Variants in MAML3 observed in about 807,000 individuals in gnomAD.
The protein encoded by MAML3 is mastermind like transcriptional coactivator 3, also known as mastermind-like protein 3.
In MAML3, 27 loss-of-function variants were observed where a neutral mutation model predicts 101.9. The observed-to-expected ratio is 0.27, with a 90% confidence interval of 0.20 to 0.37. The LOEUF is 0.37. Ranked by LOEUF, MAML3 falls within the 10% of genes least tolerant of loss-of-function variation. The probability of loss-of-function intolerance (pLI) is 1.00; values close to 1 mark genes in which losing one functional copy is unlikely to be tolerated. For missense variants in MAML3, 1,316 were observed against 1,444.9 expected, an observed-to-expected ratio of 0.91 and a Z score of 1.45; for synonymous variants, 501 against 555.9, an observed-to-expected ratio of 0.90 and a Z score of 1.39.
chr4:139,921,220 C>T (rs1270270672), intron 1 of MAML3, among the ~76,000 whole-genome samples: 1 of 152,230 alleles, frequency 6.6e-6, no homozygotes, highest in Non-Finnish European at 1.5e-5. Context: ...GAACTCCCAA[C>T]TCACATCCAG....
chr4:139,956,906 C>T (rs572579859), intron 1 of MAML3, among the ~76,000 whole-genome samples: 93 of 152,318 alleles, frequency 6.1e-4, no homozygotes, highest in African/African-American at 2.2e-3. Flanking sequence ...CACCAATCCA[C>T]ACACACTGAT....
intron 1 of MAML3, among the ~76,000 whole-genome samples, chr4:140,127,439 A>C (rs1728701679): frequency 6.6e-6 from 1 of 152,196 alleles, no homozygotes; most frequent in South Asian, 2.1e-4. Context: ...GTGTGGAGGG[A>C]ATTTGGACTC....
intron 1 of MAML3, among the ~76,000 whole-genome samples, chr4:140,074,009 G>A (rs1727711265): frequency 6.6e-6 from 1 of 151,940 alleles, no homozygotes; most frequent in Admixed American, 6.6e-5. Flanking sequence ...GCGCTCACCT[G>A]TAGTCCCATC....
chr4:139,952,080 G>A (rs188163056), intron 1 of MAML3, among the ~76,000 whole-genome samples: 5 of 152,212 alleles, frequency 3.3e-5, no homozygotes, highest in East Asian at 3.9e-4. Flanking sequence ...CAGGAGAATC[G>A]CTTGAACCCA....
intron 2 of MAML3, among the ~76,000 whole-genome samples, chr4:139,870,118 C>T (rs1447783967): frequency 3.9e-5 from 6 of 152,206 alleles, no homozygotes; most frequent in Admixed American, 6.5e-5. Context: ...CATGAATGGT[C>T]ACTGTGAATA....
chr4:139,790,559 C>T (rs559527767), intron 2 of MAML3, among the ~76,000 whole-genome samples: 27 of 152,084 alleles, frequency 1.8e-4, no homozygotes, highest in Middle Eastern at 3.4e-3. Context: ...CACCTTTCCC[C>T]GCCTGCACCT....
At chr4:139,933,650 T>C (rs1384358632) in intron 1 of MAML3, among the ~76,000 whole-genome samples, 1 of 152,138 alleles carries the variant, frequency 6.6e-6, no homozygotes, top group Admixed American at 6.6e-5. Context: ...GCCAGCAACA[T>C]GGTGGAGTCT....
At chr4:139,909,740 G>GGCAGGAGAATC (rs1292341042) in intron 1 of MAML3, among the ~76,000 whole-genome samples, 1 of 150,752 alleles carries the variant, frequency 6.6e-6, no homozygotes, top group African/African-American at 2.4e-5. Flanking sequence ...AGGAGGCTGA[G>GGCAGGAGAATC]GCAGGAGAAT....
intron 2 of MAML3, among the ~76,000 whole-genome samples, chr4:139,790,694 G>T (rs563825204): frequency 6.6e-6 from 1 of 152,018 alleles, no homozygotes; most frequent in African/African-American, 2.4e-5. Context: ...TGTCTTCAAG[G>T]TTCATCCATG....
At chr4:139,974,816 C>A (rs1734299743) in intron 1 of MAML3, among the ~76,000 whole-genome samples, 1 of 152,004 alleles carries the variant, frequency 6.6e-6, no homozygotes, top group African/African-American at 2.4e-5. Flanking sequence ...TTTGAGGTGG[C>A]AAAGGTTTTC....
intron 1 of MAML3, among the ~76,000 whole-genome samples, chr4:139,923,599 A>G (rs988101640): frequency 2.7e-5 from 4 of 148,784 alleles, no homozygotes; most frequent in African/African-American, 7.5e-5. Context: ...TTGTATGTAC[A>G]TATTTTAAGG....
intron 1 of MAML3, among the ~76,000 whole-genome samples, chr4:139,902,261 A>ACACACGCG (rs1553963222): frequency 1.4e-5 from 1 of 70,658 alleles, no homozygotes; most frequent in Non-Finnish European, 5.1e-5. Context: ...ACGCACACAC[A>ACACACGCG]CGCACACACA....
intron 2 of MAML3, among the ~76,000 whole-genome samples, chr4:139,754,943 T>C (rs1379741493): frequency 8.5e-5 from 13 of 152,252 alleles, no homozygotes; most frequent in Admixed American, 8.5e-4. Flanking sequence ...GGTCGGCCTC[T>C]GTTCTCCTTA....
intron 1 of MAML3, among the ~76,000 whole-genome samples, chr4:140,062,328 T>C (rs190131961): frequency 6.6e-6 from 1 of 152,222 alleles, no homozygotes; most frequent in East Asian, 1.9e-4. Context: ...TCCCACACCA[T>C]CATGGTTCCA....
chr4:139,852,403 G>GTTTTTTTTTTTTGTTGTTGT (rs1731572846), intron 2 of MAML3, among the ~76,000 whole-genome samples: 2 of 68,324 alleles, frequency 2.9e-5, no homozygotes, highest in African/African-American at 1.3e-4. Flanking sequence ...TCAGAAGACT[G>GTTTTTTTTTTTTGTTGTTGT]TTTTTTTTTT....
intron 1 of MAML3, among the ~76,000 whole-genome samples, chr4:139,964,564 T>C (rs1734089755): frequency 6.6e-6 from 1 of 151,910 alleles, no homozygotes; most frequent in Admixed American, 6.6e-5. Context: ...ATTTTTAGAA[T>C]AAAGAAAAAC....
At chr4:140,109,122 G>A (rs1246961366) in intron 1 of MAML3, among the ~76,000 whole-genome samples, 1 of 152,092 alleles carries the variant, frequency 6.6e-6, no homozygotes, top group African/African-American at 2.4e-5. Context: ...TCAGTTGAAG[G>A]CATTTATCAA....
intron 2 of MAML3, among the ~76,000 whole-genome samples, chr4:139,880,988 A>G (rs1578644606): frequency 6.6e-6 from 1 of 152,300 alleles, no homozygotes; most frequent in East Asian, 1.9e-4. Flanking sequence ...CAGCTGGCTG[A>G]GTGGTAAACG....
chr4:140,131,642 C>G (rs1220379792), intron 1 of MAML3, among the ~76,000 whole-genome samples: 1 of 142,966 alleles, frequency 7.0e-6, no homozygotes, highest in Admixed American at 6.7e-5. Context: ...ATTCCTTGCT[C>G]TATTTCATTT....
Sources: allele counts gnomAD v4.1 joint callset (sites outside exome capture counted in the v4.1 genomes callset), GRCh38; gene constraint gnomAD v4.1.1; transcripts MANE v1.5; gene names NCBI Gene and HGNC (gene_info 2026-07-23, HGNC 2026-07-21).